TMEM45A: variants seen among roughly 807,000 people sequenced by gnomAD.
TMEM45A encodes the protein transmembrane protein 45A.
Under a neutral mutation model 32.0 loss-of-function variants are expected in TMEM45A, and 25 were observed. The ratio of observed to expected loss-of-function variants is 0.78; its 90% confidence interval spans 0.57 to 1.09. The LOEUF (loss-of-function observed/expected upper bound fraction) is 1.09. Ranked by LOEUF, TMEM45A falls within the 50% of genes least tolerant of loss-of-function variation. The probability of loss-of-function intolerance (pLI) is 0.00; values close to 1 mark genes in which losing one functional copy is unlikely to be tolerated. For missense variants in TMEM45A, 302 were observed against 325.0 expected (o/e 0.93, Z 0.54); for synonymous variants, 122 against 114.8 (o/e 1.06, Z -0.40).
At chr3:100,515,777 A>C (rs1204220948) in intron 1 of TMEM45A, among the ~76,000 whole-genome samples, 2 of 152,172 alleles carry the variant, frequency 1.3e-5, no homozygotes, top group African/African-American at 4.8e-5. Flanking sequence ...TTACTAATAC[A>C]TGAGAGCTAA....
intron 1 of TMEM45A, among the ~76,000 whole-genome samples, chr3:100,496,591 G>A (rs892955178): frequency 1.3e-5 from 2 of 152,354 alleles, no homozygotes; most frequent in Non-Finnish European, 2.9e-5. Flanking sequence ...GGGCATATTT[G>A]GAGATATTGA....
At chr3:100,519,447 A>AT in intron 1 of TMEM45A, 8 of 906,510 alleles carry the variant, frequency 8.8e-6, no homozygotes, top group South Asian at 3.0e-5. Context: ...CAGCCTATTG[A>AT]TTTTTTTATT....
chr3:100,544,078 G>GTT (rs1192475355), intron 1 of TMEM45A, among the ~76,000 whole-genome samples: 2 of 143,272 alleles, frequency 1.4e-5, no homozygotes, highest in South Asian at 2.2e-4. Flanking sequence ...GTTTTAAGTG[G>GTT]TTTTTTTTTT....
intron 1 of TMEM45A, among the ~76,000 whole-genome samples, chr3:100,523,800 T>C (rs1436623718): frequency 3.6e-4 from 44 of 123,454 alleles, no homozygotes; most frequent in Non-Finnish European, 6.0e-4. Flanking sequence ...TTCTTCTCCT[T>C]CTCCTCCTCC....
At chr3:100,499,683 C>T (rs1043630464) in intron 1 of TMEM45A, among the ~76,000 whole-genome samples, 12 of 152,100 alleles carry the variant, frequency 7.9e-5, no homozygotes, top group African/African-American at 2.9e-4. Flanking sequence ...TCGAGACCAG[C>T]CTAAGCAACA....
rs1230262039 is a variant in TMEM45A at position 100,520,854 on chromosome 3, C to T, written c.-4+27926C>T. 2.1e-4 allele frequency among the ~76,000 whole-genome samples: 32 copies of T among 152,088 alleles called. 1 individual carries two copies. Among genetic ancestry groups the T allele is most frequent in the Admixed American group, 2.1e-3 (32 of 15,270 alleles). ...CGTCTTGGTCCAGGAGGTAGGAGAA[C>T]AAAGAGGAGCAAATAAGTCAATCAC... On this transcript the variant is annotated intron_variant, in intron 1 of 5. Coordinates refer to ENST00000323523, the MANE Select transcript of TMEM45A (RefSeq NM_018004.3).
chr3:100,570,279 C>G (rs1432535150), intron 5 of TMEM45A, among the ~76,000 whole-genome samples: 1 of 152,234 alleles, frequency 6.6e-6, no homozygotes, highest in Non-Finnish European at 1.5e-5. Context: ...CTAGAACAAA[C>G]TTTCCACCCT....
At position 100,499,606 on chromosome 3, in the gene TMEM45A, G is replaced by A. The variant is rs559757553; in HGVS notation, c.-4+6678G>A. ...AAATTCTGTACTTGGATCAGGTGCA[G>A]TGGCTCACGCTTTTAATCCCAGCAC... On this transcript the variant is annotated intron_variant, in intron 1 of 5. Coordinates refer to ENST00000323523, the MANE Select transcript of TMEM45A (RefSeq NM_018004.3). Among the ~76,000 whole-genome samples, 272 of 152,346 alleles carry A rather than the reference G, an allele frequency of 1.8e-3. 2 individuals are homozygous for A. The highest frequency in any genetic ancestry group is 6.3e-3 in the African/African-American group (261 of 41,568).
intron 1 of TMEM45A, among the ~76,000 whole-genome samples, chr3:100,498,722 T>A (rs1423964334): frequency 1.3e-5 from 2 of 152,204 alleles, no homozygotes; most frequent in Non-Finnish European, 2.9e-5. Context: ...TGCTTTCAAT[T>A]ATTTTGGGTG....
intron 4 of TMEM45A, among the ~76,000 whole-genome samples, chr3:100,566,677 T>A (rs35219749): frequency 1.3e-5 from 2 of 152,216 alleles, no homozygotes; most frequent in Non-Finnish European, 2.9e-5. Context: ...ATTTTTATTG[T>A]TATTATTGCC....
intron 1 of TMEM45A, among the ~76,000 whole-genome samples, chr3:100,516,446 A>C (rs1708263027): frequency 6.6e-6 from 1 of 152,226 alleles, no homozygotes; most frequent in Admixed American, 6.5e-5. Context: ...ATTGGTTCTC[A>C]GATGGGAGTT....
intron 1 of TMEM45A, among the ~76,000 whole-genome samples, chr3:100,518,907 T>C (rs1242721538): frequency 6.6e-6 from 1 of 152,086 alleles, no homozygotes; most frequent in Non-Finnish European, 1.5e-5. Flanking sequence ...GCAGACTTGG[T>C]AAAAATGTGA....
rs972171800 is a variant in TMEM45A at position 100,508,343 on chromosome 3, G to A, written c.-4+15415G>A. 2.6e-4 allele frequency among the ~76,000 whole-genome samples: 39 copies of A among 152,246 alleles called. 1 individual carries two copies. The highest frequency in any genetic ancestry group is 2.1e-3 in the South Asian group (10 of 4,824). Reference sequence around the variant, plus strand: ...AGGCCCGACAAGACTGCATCTTGCCGTGGAGTCCAACAGCCCATGCATCTC... The same window carrying A: ...AGGCCCGACAAGACTGCATCTTGCCATGGAGTCCAACAGCCCATGCATCTC... On this transcript the variant is annotated intron_variant, in intron 1 of 5. Transcript: ENST00000323523.
At chr3:100,525,451 A>C (rs1705524007) in intron 1 of TMEM45A, among the ~76,000 whole-genome samples, 2 of 152,244 alleles carry the variant, frequency 1.3e-5, no homozygotes, top group African/African-American at 2.4e-5. Context: ...TAGAAAAGCA[A>C]CAACAGCAAC....
chr3:100,536,083 G>T (rs1705734955), intron 1 of TMEM45A, among the ~76,000 whole-genome samples: 1 of 152,088 alleles, frequency 6.6e-6, no homozygotes, highest in Non-Finnish European at 1.5e-5. Context: ...CACATCTAGG[G>T]GGAAGGTACT....
chr3:100,573,816 T>C (rs1380322197), intron 5 of TMEM45A: 1 of 152,238 alleles, frequency 6.6e-6, no homozygotes, highest in Non-Finnish European at 1.5e-5. Flanking sequence ...TGAAGGGTTG[T>C]TGAATTTTGT....
chr3:100,555,519 A>T, intron 2 of TMEM45A, 118 bp downstream of exon 2: 1 of 1,107,614 alleles, frequency 9.0e-7, no homozygotes, highest in Non-Finnish European at 1.3e-6. Flanking sequence ...GAAAGAATAA[A>T]CCCTATCAAA....
chr3:100,538,667 CA>C (rs1397167333), intron 1 of TMEM45A, among the ~76,000 whole-genome samples: 1 of 151,914 alleles, frequency 6.6e-6, no homozygotes, highest in Non-Finnish European at 1.5e-5. Context: ...AAATCCCAAA[CA>C]ATCAACAATA....
chr3:100,555,543 A>G (rs1706202774), intron 2 of TMEM45A, 142 bp downstream of exon 2: 2 of 797,648 alleles, frequency 2.5e-6, no homozygotes, highest in East Asian at 2.7e-5. Flanking sequence ...CATTTTGCAA[A>G]TGATATGAAA....
Sources: allele counts gnomAD v4.1 joint callset (sites outside exome capture counted in the v4.1 genomes callset), GRCh38; gene constraint gnomAD v4.1.1; transcripts MANE v1.5; gene names NCBI Gene and HGNC (gene_info 2026-07-23, HGNC 2026-07-21).